Variants in GAB1 observed in about 807,000 individuals in gnomAD.
The protein encoded by GAB1 is GRB2-associated-binding protein 1.
A neutral mutation model predicts 66.5 loss-of-function variants in GAB1; 19 were observed. That is an observed-to-expected ratio of 0.29 (90% CI 0.20 to 0.42). The LOEUF (loss-of-function observed/expected upper bound fraction) is 0.42, where lower values mean the gene tolerates loss of function less well. Ranked by LOEUF, GAB1 falls within the 10% of genes least tolerant of loss-of-function variation. GAB1 has a pLI of 1.00. For missense variants in GAB1, 732 were observed against 858.5 expected (o/e 0.85, Z 1.84); for synonymous variants, 294 against 301.4 (o/e 0.98, Z 0.25).
intron 2 of GAB1, among the ~76,000 whole-genome samples, chr4:143,426,721 A>G (rs1651087881): frequency 6.6e-6 from 1 of 152,182 alleles, no homozygotes; most frequent in African/African-American, 2.4e-5. Flanking sequence ...TAGCCATATT[A>G]ATACATTATT....
At chr4:143,355,389 A>C (rs947751440) in intron 1 of GAB1, among the ~76,000 whole-genome samples, 1 of 151,932 alleles carries the variant, frequency 6.6e-6, no homozygotes, top group Non-Finnish European at 1.5e-5. Context: ...GTTCATCCCA[A>C]TTGCTGCCTT....
intron 1 of GAB1, 141 bp downstream of exon 1, chr4:143,337,401 T>TG (rs1392140611): frequency 8.3e-6 from 6 of 722,648 alleles, no homozygotes; most frequent in Non-Finnish European, 1.4e-5. Flanking sequence ...CCCCTACCCC[T>TG]GGCGGGCTCG....
intron 1 of GAB1, among the ~76,000 whole-genome samples, chr4:143,346,019 AGTT>A (rs1209366802): frequency 1.3e-5 from 2 of 152,192 alleles, no homozygotes; most frequent in Non-Finnish European, 2.9e-5. Flanking sequence ...TTAGCCAGCC[AGTT>A]GTTGTAACAT....
intron 1 of GAB1, among the ~76,000 whole-genome samples, chr4:143,390,463 G>T: frequency 1.4e-5 from 2 of 147,776 alleles, no homozygotes; most frequent in South Asian, 2.2e-4. Flanking sequence ...TTAGGTTTTT[G>T]ACTTTGCATC....
At chr4:143,363,035 T>C (rs1037343648) in intron 1 of GAB1, among the ~76,000 whole-genome samples, 2 of 152,216 alleles carry the variant, frequency 1.3e-5, no homozygotes, top group East Asian at 1.9e-4. Flanking sequence ...GTCCCCATTT[T>C]GTAAAGGAAC....
intron 1 of GAB1, among the ~76,000 whole-genome samples, chr4:143,374,208 T>C (rs1031342001): frequency 1.3e-5 from 2 of 152,122 alleles, no homozygotes; most frequent in Non-Finnish European, 2.9e-5. Context: ...GCAGCATGAC[T>C]TTCAAGAGGA....
At chr4:143,369,375 C>T (rs1730021571) in intron 1 of GAB1, among the ~76,000 whole-genome samples, 1 of 152,158 alleles carries the variant, frequency 6.6e-6, no homozygotes, top group Non-Finnish European at 1.5e-5. Flanking sequence ...CCGCAGCTGG[C>T]CAAGAAATAC....
At chr4:143,468,208 CTTTTTTTTTTTTTT>C (rs780138131) in intron 9 of GAB1, among the ~76,000 whole-genome samples, 3 of 70,066 alleles carry the variant, frequency 4.3e-5, no homozygotes, top group Admixed American at 2.0e-4. Context: ...AGTTTGAATT[CTTTTTTTTTTTTTT>C]TTTTTTTTTT....
At chr4:143,387,196 A>G (rs1730958108) in intron 1 of GAB1, among the ~76,000 whole-genome samples, 1 of 152,192 alleles carries the variant, frequency 6.6e-6, no homozygotes, top group African/African-American at 2.4e-5. Context: ...CAATGATGCT[A>G]TCTTGGCTCA....
chr4:143,381,871 C>G (rs1342509256), intron 1 of GAB1: 2 of 152,168 alleles, frequency 1.3e-5, no homozygotes, highest in African/African-American at 4.8e-5. Context: ...CTCTGTATGG[C>G]TTTTGTTATT....
intron 1 of GAB1, among the ~76,000 whole-genome samples, chr4:143,344,792 A>G (rs1263053336): frequency 1.3e-5 from 2 of 152,182 alleles, no homozygotes; most frequent in Admixed American, 1.3e-4. Context: ...AAAAAGAATC[A>G]TTTCTCTTTT....
At chr4:143,345,974 G>C (rs920570666) in intron 1 of GAB1, among the ~76,000 whole-genome samples, 1 of 152,138 alleles carries the variant, frequency 6.6e-6, no homozygotes, top group African/African-American at 2.4e-5. Context: ...GTGATCTCTT[G>C]CCTCGTTGTA....
chr4:143,391,195 A>C (rs1303952582), intron 1 of GAB1, among the ~76,000 whole-genome samples: 1 of 152,228 alleles, frequency 6.6e-6, no homozygotes, highest in African/African-American at 2.4e-5. Context: ...TTCAAGTAAC[A>C]GTCTAAATGT....
Position 143,337,090 on chromosome 4 carries a change from C to G in GAB1, c.-99C>G. ...CGTCCGGGGTGCGCGACCAGGAGAG[C>G]TAGGTTCTCGCCACTGCGCGCTCGG... On this transcript the variant is annotated 5_prime_UTR_variant, in exon 1 of 10. Coordinates refer to ENST00000262994, the MANE Select transcript of GAB1 (RefSeq NM_002039.4). The G allele has an allele frequency of 9.6e-7, 1 of 1,045,428 alleles. No homozygotes were observed. The highest frequency in any genetic ancestry group is 1.4e-6 in the Non-Finnish European group (1 of 712,168). 64.8% of individuals were successfully genotyped at this position (1,045,428 alleles called of 1,614,324 possible). A position where few individuals can be genotyped will look rare whatever the true frequency, so the allele number is the denominator to read the frequency against.
intron 1 of GAB1, among the ~76,000 whole-genome samples, chr4:143,378,732 A>T (rs924318785): frequency 4.7e-5 from 7 of 148,986 alleles, no homozygotes; most frequent in African/African-American, 1.7e-4. Flanking sequence ...TTTCTGAACC[A>T]CCGTCTCAAG....
At chr4:143,373,837 C>A (rs1170481934) in intron 1 of GAB1, among the ~76,000 whole-genome samples, 7 of 114,632 alleles carry the variant, frequency 6.1e-5, no homozygotes, top group Non-Finnish European at 1.1e-4. Flanking sequence ...CTCTCTCTCT[C>A]TCTCTCTCTC....
chr4:143,359,404 C>T (rs1040507896), intron 1 of GAB1, among the ~76,000 whole-genome samples: 1 of 152,076 alleles, frequency 6.6e-6, no homozygotes, highest in Non-Finnish European at 1.5e-5. Context: ...TGTCTTTACC[C>T]AATATGAAAA....
Position 143,337,183 on chromosome 4 carries a change from C to A in GAB1, c.-6C>A, listed in dbSNP as rs759658067. On this transcript the variant is annotated 5_prime_UTR_variant, in exon 1 of 10. Transcript: ENST00000262994. ...TGCCCGGCCCGGAGCCCGAGACGCG[C>A]GCACCATGAGCGGTGGTGAAGTGGT... 32 of 1,573,754 alleles carry A rather than the reference C, an allele frequency of 2.0e-5. No individual in the cohort carries two copies. Among genetic ancestry groups the A allele is most frequent in the African/African-American group, 2.7e-5 (2 of 74,300 alleles).
At chr4:143,354,320 A>G (rs1729355856) in intron 1 of GAB1, among the ~76,000 whole-genome samples, 1 of 150,728 alleles carries the variant, frequency 6.6e-6, no homozygotes, top group Non-Finnish European at 1.5e-5. Context: ...CTTGTTATTT[A>G]TTCTAACTCA....
Sources: gnomAD v4.1 joint callset for allele counts (sites outside exome capture counted in the v4.1 genomes callset) on GRCh38, gnomAD v4.1.1 for gene constraint, MANE v1.5 for transcripts, NCBI Gene and HGNC (gene_info 2026-07-23, HGNC 2026-07-21) for gene names.